The following MOK variants were observed in gnomAD, a reference collection of about 807,000 sequenced individuals.
MOK encodes the protein MAPK/MAK/MRK overlapping kinase.
MOK carries 59 observed loss-of-function variants against 54.2 expected under a neutral mutation model. The observed-to-expected ratio is 1.09, with a 90% CI of 0.88 to 1.35. MOK has a LOEUF of 1.35. Among genes scored for constraint, MOK ranks in the 40% most tolerant of loss-of-function variants. The pLI is 0.00. For synonymous variants in MOK, 210 were observed against 202.7 expected (o/e 1.04, Z -0.31); for missense variants, 517 against 526.2 (o/e 0.98, Z 0.17).
chr14:102,264,469 G>C (rs1046475432), intron 3 of MOK: 2 of 152,166 alleles, frequency 1.3e-5, no homozygotes, highest in Non-Finnish European at 2.9e-5. Flanking sequence ...GCCCTTAAAG[G>C]GTTCCCAGAG....
At chr14:102,293,458 G>A (rs1160531447) in intron 1 of MOK, among the ~76,000 whole-genome samples, 1 of 152,024 alleles carries the variant, frequency 6.6e-6, no homozygotes, top group Non-Finnish European at 1.5e-5. Context: ...CAGCACTTTG[G>A]GAGGCTGAGG....
At chr14:102,287,704 CAT>C (rs1370004446) in intron 1 of MOK, among the ~76,000 whole-genome samples, 1 of 151,726 alleles carries the variant, frequency 6.6e-6, no homozygotes, top group East Asian at 1.9e-4. Context: ...GAATCAAAAA[CAT>C]AGATAATAAC....
intron 1 of MOK, among the ~76,000 whole-genome samples, chr14:102,298,129 CT>C (rs1023329975): frequency 1.8e-4 from 27 of 152,250 alleles, no homozygotes; most frequent in Non-Finnish European, 3.1e-4. Context: ...GTGGGATCCA[CT>C]AGGTGAAGCC....
At chr14:102,248,107 C>G (rs2066234082) in intron 7 of MOK, among the ~76,000 whole-genome samples, 1 of 152,192 alleles carries the variant, frequency 6.6e-6, no homozygotes, top group Admixed American at 6.5e-5. Flanking sequence ...CAAGAAGTGG[C>G]CAGACGCCAA....
chr14:102,272,893 C>T (rs987222263), intron 2 of MOK, among the ~76,000 whole-genome samples: 1 of 152,104 alleles, frequency 6.6e-6, no homozygotes, highest in Non-Finnish European at 1.5e-5. Flanking sequence ...AGTCATGGGC[C>T]GGGCACAGTG....
chr14:102,233,434 T>C (rs534205157), intron 8 of MOK: 3 of 465,114 alleles, frequency 6.5e-6, no homozygotes, highest in Admixed American at 7.5e-5. Flanking sequence ...GAACACAGCC[T>C]GACTCCCCAG....
Position 102,235,731 on chromosome 14 carries a change from AG to A in MOK, c.591-1943del, listed in dbSNP as rs2065164527. Among the ~76,000 whole-genome samples the A allele has an allele frequency of 6.6e-6, 1 of 152,220 alleles. No individual in the cohort carries two copies. The highest frequency in any genetic ancestry group is 1.5e-5 in the Non-Finnish European group (1 of 68,034). ...CGCGTGTCGATCCCGCCTCCCGGGA[AG>A]GAACTATTGTTCTTTACATCCATTT... On this transcript the variant is annotated intron_variant, in intron 7 of 11. Coordinates refer to ENST00000361847, the MANE Select transcript of MOK (RefSeq NM_014226.3). The surrounding 1 kb of genome is among the most constrained non-coding windows in gnomAD (Gnocchi z 4.4).
intron 1 of MOK, among the ~76,000 whole-genome samples, chr14:102,300,382 A>G (rs987088785): frequency 7.6e-6 from 1 of 131,152 alleles, no homozygotes; most frequent in African/African-American, 3.1e-5. Context: ...CCCCATCTCC[A>G]CCAAAAAAAA....
At chr14:102,299,972 G>A (rs1253290196) in intron 1 of MOK, among the ~76,000 whole-genome samples, 2 of 152,076 alleles carry the variant, frequency 1.3e-5, no homozygotes, top group Admixed American at 1.3e-4. Flanking sequence ...TAATCCAGGA[G>A]TTCAAGACCG....
intron 1 of MOK, among the ~76,000 whole-genome samples, chr14:102,300,629 C>A (rs2072085523): frequency 6.6e-6 from 1 of 152,230 alleles, no homozygotes; most frequent in South Asian, 2.1e-4. Flanking sequence ...CAGGATCTGA[C>A]TGATGTTTTC....
At chr14:102,251,713 C>T in intron 6 of MOK, 43 bp downstream of exon 6, 2 of 1,474,972 alleles carry the variant, frequency 1.4e-6, no homozygotes, top group Non-Finnish European at 1.9e-6. Context: ...ATTTTCTATT[C>T]AGCTTTTATT....
chr14:102,284,028 G>A lies in MOK; in HGVS notation c.8-436C>T, dbSNP rs150207867. 2.6e-5 allele frequency among the ~76,000 whole-genome samples: 4 copies of A among 152,266 alleles called. No homozygotes were observed. In the East Asian group the frequency reaches 7.7e-4, roughly 29 times the overall value. On this transcript the variant is annotated intron_variant, in intron 1 of 11. Coordinates refer to ENST00000361847, the MANE Select transcript of MOK (RefSeq NM_014226.3). ...TAGAGGGCCCAGCTGATCCGCAACAGTTTCCTACAATTCTTGCACTTCCTA... is the reference window on the plus strand; with the variant it reads ...TAGAGGGCCCAGCTGATCCGCAACAATTTCCTACAATTCTTGCACTTCCTA...
At chr14:102,281,608 GT>G (rs398118590) in intron 2 of MOK, among the ~76,000 whole-genome samples, 19 of 78,478 alleles carry the variant, frequency 2.4e-4, no homozygotes, top group East Asian at 1.6e-3. Flanking sequence ...GTTTTTTTGT[GT>G]TTTTTTTTTA....
chr14:102,260,261 G>A (rs2067280978), intron 4 of MOK, among the ~76,000 whole-genome samples: 1 of 151,890 alleles, frequency 6.6e-6, no homozygotes, highest in South Asian at 2.1e-4. Context: ...CAGGAGAACT[G>A]CTTGAACCCA....
At chr14:102,218,524 G>A in the MOK span, among the ~76,000 whole-genome samples, 7 of 152,342 alleles carry the variant, frequency 4.6e-5, no homozygotes, top group African/African-American at 1.7e-4. Context: ...TGGCCTTGCT[G>A]CTTTATTGTA....
chr14:102,226,214 GGGCTCCCC>G (rs1359004086), downstream of MOK: 49 of 628,818 alleles, frequency 7.8e-5, no homozygotes, highest in Middle Eastern at 9.7e-4. This position sits in a 1 kb window ranked among gnomAD's most constrained non-coding sequence, Gnocchi z 4.8. Context: ...GGGTGTGACT[GGGCTCCCC>G]TGTGCTTCTG....
chr14:102,257,760 C>T (rs1183845600), intron 4 of MOK, among the ~76,000 whole-genome samples: 2 of 152,094 alleles, frequency 1.3e-5, no homozygotes, highest in Non-Finnish European at 2.9e-5. Context: ...GGGCGGATCA[C>T]GAGGTCAAGA....
At chr14:102,225,571 A>C (rs2064210048), downstream of MOK, 1 of 152,614 alleles carries the variant, frequency 6.6e-6, no homozygotes, top group Non-Finnish European at 1.5e-5. Context: ...GCCTCAGCCC[A>C]GTCTGTCACC....
intron 1 of MOK, among the ~76,000 whole-genome samples, chr14:102,292,053 A>G (rs1472391100): frequency 6.6e-6 from 1 of 152,150 alleles, no homozygotes; most frequent in African/African-American, 2.4e-5. Context: ...AAATATCATT[A>G]AGACGTAATC....
Sources: gnomAD v4.1 joint callset for allele counts (sites outside exome capture counted in the v4.1 genomes callset) on GRCh38, gnomAD v4.1.1 for gene constraint, Gnocchi (gnomAD v3.1) non-coding constraint, MANE v1.5 for transcripts, NCBI Gene and HGNC (gene_info 2026-07-23, HGNC 2026-07-21) for gene names.